The following CCSER1 variants were observed in gnomAD, a reference collection of about 807,000 sequenced individuals.
CCSER1 encodes serine-rich coiled-coil domain-containing protein 1.
Under a neutral mutation model 82.0 loss-of-function variants are expected in CCSER1, and 41 were observed. That is an observed-to-expected ratio of 0.50 (90% CI 0.39 to 0.65). The LOEUF is 0.65. CCSER1 is among the 30% of genes least tolerant of loss of function. The pLI, the probability that CCSER1 is intolerant of heterozygous loss-of-function variation, is 0.00. For missense variants in CCSER1, 1,119 were observed against 1,064.2 expected (o/e 1.05, Z -0.72); for synonymous variants, 414 against 383.9 (o/e 1.08, Z -0.92).
chr4:90,902,408 A>C (rs1358398783), intron 8 of CCSER1, among the ~76,000 whole-genome samples: 1 of 152,030 alleles, frequency 6.6e-6, no homozygotes, highest in African/African-American at 2.4e-5. Context: ...TTCTCATCTA[A>C]GGGAGATGTA....
At chr4:91,067,207 T>C (rs1720914735) in intron 9 of CCSER1, among the ~76,000 whole-genome samples, 1 of 151,806 alleles carries the variant, frequency 6.6e-6, no homozygotes. Context: ...CAGTCAGCAC[T>C]CAAAACAACA....
chr4:91,208,697 T>C (rs1026804035), intron 10 of CCSER1, among the ~76,000 whole-genome samples: 2 of 152,016 alleles, frequency 1.3e-5, no homozygotes, highest in Non-Finnish European at 2.9e-5. Context: ...TCCTTAGCTA[T>C]TCAGGCTCTT....
chr4:91,295,294 A>G (rs188918688), intron 10 of CCSER1, among the ~76,000 whole-genome samples: 2 of 152,118 alleles, frequency 1.3e-5, no homozygotes, highest in East Asian at 3.9e-4. Flanking sequence ...TTTATAGGAT[A>G]TAAATAGAAT....
chr4:90,555,535 G>T lies in CCSER1; in HGVS notation c.1725-72490G>T, dbSNP rs1778028494. On this transcript the variant is annotated intron_variant, in intron 5 of 10. Coordinates refer to ENST00000509176, the MANE Select transcript of CCSER1 (RefSeq NM_001145065.2). ...AAGAACTTGTTTGATATGAGATTGT[G>T]CTCTTCTCAAATAACTCTTTAATTT... is the stretch of plus-strand genomic sequence containing the variant. Among the ~76,000 whole-genome samples the T allele has an allele frequency of 2.0e-5, 3 of 152,036 alleles. No individual in the cohort carries two copies. The South Asian group carries it at 6.2e-4, about 32-fold the overall frequency.
chr4:91,105,835 T>C (rs537813672), intron 10 of CCSER1, among the ~76,000 whole-genome samples: 1 of 152,324 alleles, frequency 6.6e-6, no homozygotes, highest in South Asian at 2.1e-4. Flanking sequence ...CAAGCTAGTT[T>C]GATGGTAAAA....
At chr4:91,396,024 T>G (rs1337977498) in intron 10 of CCSER1, among the ~76,000 whole-genome samples, 2 of 152,054 alleles carry the variant, frequency 1.3e-5, no homozygotes, top group Non-Finnish European at 2.9e-5. Context: ...GCTCCCCATA[T>G]CCGTGTATTC....
intron 8 of CCSER1, among the ~76,000 whole-genome samples, chr4:90,848,729 A>G (rs1381454544): frequency 1.3e-5 from 2 of 152,176 alleles, no homozygotes; most frequent in Non-Finnish European, 2.9e-5. Flanking sequence ...ATCCCCACGT[A>G]TCAAGGACAG....
intron 8 of CCSER1, among the ~76,000 whole-genome samples, chr4:90,882,773 G>C (rs750684708): frequency 3.9e-4 from 59 of 151,700 alleles, no homozygotes; most frequent in Non-Finnish European, 7.2e-4. Flanking sequence ...ACAAAGCCAG[G>C]CTTCCCCCCT....
At chr4:90,318,181 A>T (rs2153485115) in intron 3 of CCSER1, among the ~76,000 whole-genome samples, 1 of 152,284 alleles carries the variant, frequency 6.6e-6, no homozygotes, top group East Asian at 1.9e-4. Context: ...ATTCATATAT[A>T]CTACAGGTTT....
rs574187208 is a variant in CCSER1, at chr4:91,023,085, A to T, written c.2173-62865A>T. Among the ~76,000 whole-genome samples, 20 of 152,280 alleles carry T rather than the reference A, an allele frequency of 1.3e-4. No homozygotes were observed. The East Asian group carries it at 3.1e-3, about 24-fold the overall frequency. ...GTTCAAAGAGAATAAAATACCTAGG[A>T]ATCCAACTTACAAGGGACGTGAAGG... On this transcript the variant is annotated intron_variant, in intron 9 of 10. Transcript: ENST00000509176.
chr4:91,224,273 T>C (rs1737981227), intron 10 of CCSER1, among the ~76,000 whole-genome samples: 1 of 152,076 alleles, frequency 6.6e-6, no homozygotes, highest in African/African-American at 2.4e-5. Flanking sequence ...GAAATGGTAA[T>C]TTATACAAAA....
chr4:91,434,211 T>C (rs934958598), intron 10 of CCSER1, among the ~76,000 whole-genome samples: 4 of 152,108 alleles, frequency 2.6e-5, no homozygotes, highest in Non-Finnish European at 5.9e-5. Flanking sequence ...TTTTTTTGTT[T>C]ATTTGTGGAA....
chr4:91,597,385 G>C (rs896459313), intron 10 of CCSER1, among the ~76,000 whole-genome samples: 2 of 152,026 alleles, frequency 1.3e-5, no homozygotes, highest in African/African-American at 4.8e-5. Flanking sequence ...AATTGTGTCA[G>C]GAAGAAAGAG....
intron 6 of CCSER1, among the ~76,000 whole-genome samples, chr4:90,708,947 T>C (rs1165077908): frequency 6.6e-6 from 1 of 152,166 alleles, no homozygotes; most frequent in Non-Finnish European, 1.5e-5. Flanking sequence ...TGATAATATA[T>C]GTGAAGCTAT....
chr4:91,538,018 T>C (rs1761386362), intron 10 of CCSER1, among the ~76,000 whole-genome samples: 1 of 152,088 alleles, frequency 6.6e-6, no homozygotes, highest in South Asian at 2.1e-4. Context: ...AGATAGACAC[T>C]AATTATGTTT....
intron 10 of CCSER1, among the ~76,000 whole-genome samples, chr4:91,149,321 A>T (rs1046234296): frequency 6.6e-5 from 10 of 152,026 alleles, no homozygotes; most frequent in Non-Finnish European, 1.2e-4. Flanking sequence ...TCACTTGTTG[A>T]TGGGGTTGAT....
rs533548760 is a variant in CCSER1, at chr4:91,600,221, T to C, written c.*1164T>C. ...CTCTTTGACAAATAAGGCCCAAATATGTTATAATATGTTATATACTTATGT... is the reference window on the plus strand; with the variant it reads ...CTCTTTGACAAATAAGGCCCAAATACGTTATAATATGTTATATACTTATGT... On this transcript the variant is annotated 3_prime_UTR_variant, in exon 11 of 11. Transcript: ENST00000509176. 4.6e-5 allele frequency: 7 copies of C among 152,282 alleles called. No individual in the cohort carries two copies. The South Asian group carries it at 1.4e-3, about 32-fold the overall frequency. The allele number at this position is 152,282 out of a possible 1,614,324, so 9.4% of individuals were successfully genotyped here. A position where few individuals can be genotyped will look rare whatever the true frequency, so the allele number is the denominator to read the frequency against.
At chr4:90,439,092 G>A (rs1759481516) in intron 4 of CCSER1, among the ~76,000 whole-genome samples, 2 of 152,070 alleles carry the variant, frequency 1.3e-5, no homozygotes, top group African/African-American at 4.8e-5. Flanking sequence ...AGGAGTTTGA[G>A]ACAGGCTTGA....
chr4:90,631,413 A>T (rs528886024), intron 6 of CCSER1, among the ~76,000 whole-genome samples: 1 of 152,290 alleles, frequency 6.6e-6, no homozygotes, highest in African/African-American at 2.4e-5. Flanking sequence ...TTTTGCTAAT[A>T]AAGGTACACC....
Sources: gnomAD v4.1 joint callset for allele counts (sites outside exome capture counted in the v4.1 genomes callset) on GRCh38, gnomAD v4.1.1 for gene constraint, MANE v1.5 for transcripts, NCBI Gene and HGNC (gene_info 2026-07-23, HGNC 2026-07-21) for gene names.